CSPP1: variants seen among roughly 807,000 people sequenced by gnomAD.
CSPP1 encodes the protein centrosome and spindle pole-associated protein 1.
Under a neutral mutation model 164.4 loss-of-function variants are expected in CSPP1, and 126 were observed. The observed-to-expected ratio is 0.77, with a 90% CI of 0.66 to 0.89. The LOEUF (loss-of-function observed/expected upper bound fraction) is 0.89, where lower values mean the gene tolerates loss of function less well. Among genes scored for constraint, CSPP1 ranks in the 40% least tolerant of loss-of-function variants. The pLI is 0.00. For synonymous variants in CSPP1, 472 were observed against 476.7 expected, an observed-to-expected ratio of 0.99 and a Z score of 0.13; for missense variants, 1,395 against 1,449.8, an observed-to-expected ratio of 0.96 and a Z score of 0.61.
chr8:67,105,369 C>G lies in CSPP1; in HGVS notation c.1023-536C>G, dbSNP rs1815266591. ...GAACCTATACAGCCAGTGAAGCAAG[C>G]TGAATGTTTTTGTTTTTGTTTTTGT... On this transcript the variant is annotated intron_variant, in intron 8 of 30. Transcript: ENST00000678616. Among the ~76,000 whole-genome samples the G allele has an allele frequency of 2.6e-5, 4 of 151,796 alleles. 1 individual carries two copies. In the South Asian group the frequency reaches 8.3e-4, roughly 32 times the overall value.
At chr8:67,177,778 T>A in intron 27 of CSPP1, 52 bp downstream of exon 27, 1 of 1,219,354 alleles carries the variant, frequency 8.2e-7, no homozygotes, top group Non-Finnish European at 1.2e-6. Context: ...ATTAAAAATC[T>A]TTAGGCATAT....
chr8:67,147,454 A>G (rs933552769), intron 17 of CSPP1, among the ~76,000 whole-genome samples: 1 of 152,140 alleles, frequency 6.6e-6, no homozygotes, highest in African/African-American at 2.4e-5. Flanking sequence ...CCTTTACCAT[A>G]TAAAACACAT....
intron 28 of CSPP1, among the ~76,000 whole-genome samples, chr8:67,186,190 C>A (rs7816746): frequency 0.083 from 12,621 of 152,130 alleles, 1,063 homozygotes; most frequent in African/African-American, 0.22. Context: ...TTTTATAATG[C>A]AGAGTGAGAA....
At chr8:67,083,850 G>A (rs978534342) in intron 3 of CSPP1, 1 of 151,924 alleles carries the variant, frequency 6.6e-6, no homozygotes. Flanking sequence ...TCTCTATGCA[G>A]TCAGACCGCT....
intron 16 of CSPP1, chr8:67,136,019 C>T (rs1325936551): frequency 1.3e-5 from 2 of 152,156 alleles, no homozygotes; most frequent in African/African-American, 4.8e-5. Context: ...AGTCAGAATA[C>T]ATATGACATT....
At chr8:67,118,578 T>A (rs1818381579) in intron 14 of CSPP1, among the ~76,000 whole-genome samples, 165 bp from the exon 15 acceptor site, 1 of 152,172 alleles carries the variant, frequency 6.6e-6, no homozygotes. Context: ...ATAACGATTG[T>A]GTTTTCTTAT....
chr8:67,118,845 A>G, intron 15 of CSPP1, 24 bp downstream of exon 15: 2 of 1,523,480 alleles, frequency 1.3e-6, no homozygotes, highest in Non-Finnish European at 1.8e-6. Context: ...TAAAAGAATA[A>G]TTTTTTCCCC....
At chr8:67,146,122 C>CTTTTTT (rs939978795) in intron 17 of CSPP1, among the ~76,000 whole-genome samples, 6 of 125,122 alleles carry the variant, frequency 4.8e-5, no homozygotes, top group African/African-American at 1.2e-4. Flanking sequence ...ATATACTTTT[C>CTTTTTT]TTTTTTTTTT....
intron 9 of CSPP1, among the ~76,000 whole-genome samples, chr8:67,110,175 T>C (rs1283982220): frequency 2.0e-5 from 3 of 152,038 alleles, no homozygotes; most frequent in Non-Finnish European, 4.4e-5. Context: ...GAGGTTTTTT[T>C]TTTTTCCCCA....
At chr8:67,148,925 A>C (rs1027832241) in intron 17 of CSPP1, among the ~76,000 whole-genome samples, 1 of 152,232 alleles carries the variant, frequency 6.6e-6, no homozygotes, top group Non-Finnish European at 1.5e-5. Flanking sequence ...TTGGTGTTTT[A>C]GCATGATAAA....
intron 28 of CSPP1, among the ~76,000 whole-genome samples, chr8:67,184,132 C>T (rs1039410171): frequency 8.4e-4 from 128 of 152,194 alleles, no homozygotes; most frequent in African/African-American, 3.0e-3. Flanking sequence ...GGATTATAGG[C>T]GTGAGCCACT....
intron 29 of CSPP1, among the ~76,000 whole-genome samples, chr8:67,191,756 C>T (rs1389115389): frequency 1.3e-5 from 2 of 152,112 alleles, no homozygotes; most frequent in African/African-American, 2.4e-5. Context: ...TTATTACTCT[C>T]GAATATATAT....
intron 3 of CSPP1, among the ~76,000 whole-genome samples, chr8:67,082,290 T>C (rs1276558870): frequency 6.6e-6 from 1 of 152,202 alleles, no homozygotes; most frequent in Admixed American, 6.5e-5. Flanking sequence ...CCTCAAGTAA[T>C]CCACCCACCT....
chr8:67,118,235 T>C lies in CSPP1; in HGVS notation c.1497-13T>C, dbSNP rs193022291. The C allele has an allele frequency of 4.7e-4, 764 of 1,609,272 alleles. 1 individual carries two copies. The highest frequency in any genetic ancestry group is 6.2e-4 in the Non-Finnish European group (725 of 1,178,446). ...AAATATGAGAGGAATTTTTCATCTTTCTTTTCATACAGGATTGCACCTCTG... is the reference window on the plus strand; with the variant it reads ...AAATATGAGAGGAATTTTTCATCTTCCTTTTCATACAGGATTGCACCTCTG... On this transcript the variant is annotated splice_polypyrimidine_tract_variant and intron_variant, in intron 13 of 30. Coordinates refer to ENST00000678616, the MANE Select transcript of CSPP1 (RefSeq NM_001382391.1).
chr8:67,192,436 C>T (rs1396303319), intron 29 of CSPP1, among the ~76,000 whole-genome samples: 1 of 152,166 alleles, frequency 6.6e-6, no homozygotes, highest in Non-Finnish European at 1.5e-5. Context: ...TTTACATTCT[C>T]ACTACAAGTC....
At chr8:67,137,296 A>G (rs1822525084) in intron 16 of CSPP1, among the ~76,000 whole-genome samples, 160 bp from the exon 17 acceptor site, 1 of 151,910 alleles carries the variant, frequency 6.6e-6, no homozygotes, top group Non-Finnish European at 1.5e-5. Context: ...TATTACATAT[A>G]TTTGTGATTT....
In CSPP1 at chr8:67,116,074, A is replaced by T; in HGVS notation, c.1448A>T (p.Asp483Val). The T allele has an allele frequency of 6.2e-7, 1 of 1,614,054 alleles. No homozygotes were observed. The highest frequency in any genetic ancestry group is 1.3e-5 in the African/African-American group (1 of 74,982). ...CATCCTGTTCCTTCTCAAAATGAAG[A>T]TTTGCGCAGTGGACTCAGCAGCGCC... ...SVHPVPSQNE[D>V]LRSGLSSALG... The change falls in exon 13 of 31, where the codon GAT becomes GTT. Residue 483 changes from aspartate to valine, a missense_variant. By Grantham distance (152) the Asp-to-Val change is radical. Coordinates refer to ENST00000678616, the MANE Select transcript of CSPP1 (RefSeq NM_001382391.1).
chr8:67,159,304 C>T (rs1420557631), intron 21 of CSPP1, among the ~76,000 whole-genome samples, 167 bp downstream of exon 21: 2 of 151,968 alleles, frequency 1.3e-5, no homozygotes, highest in Non-Finnish European at 2.9e-5. Context: ...GTAGGAGGTA[C>T]TGTCACTGTG....
chr8:67,095,786 AAT>A, intron 7 of CSPP1, 54 bp downstream of exon 7: 1 of 1,064,506 alleles, frequency 9.4e-7, no homozygotes, highest in Non-Finnish European at 1.4e-6. Context: ...ATTAATTGTT[AAT>A]ATTTGCTGTT....
Sources: allele counts gnomAD v4.1 joint callset (sites outside exome capture counted in the v4.1 genomes callset), GRCh38; gene constraint gnomAD v4.1.1; transcripts MANE v1.5; gene names NCBI Gene and HGNC (gene_info 2026-07-23, HGNC 2026-07-21).